The following ROBO1 variants were observed in gnomAD, a reference collection of about 807,000 sequenced individuals.
ROBO1 encodes the protein roundabout homolog 1.
ROBO1 carries 149 observed loss-of-function variants against 195.9 expected under a neutral mutation model. The ratio of observed to expected loss-of-function variants is 0.76; its 90% CI spans 0.67 to 0.87. ROBO1 has a LOEUF of 0.87. Among genes scored for constraint, ROBO1 ranks in the 40% least tolerant of loss-of-function variants. The pLI is 0.00. For synonymous variants in ROBO1, 816 were observed against 733.2 expected, an observed-to-expected ratio of 1.11 and a Z score of -1.82; for missense variants, 1,933 against 2,068.3, an observed-to-expected ratio of 0.93 and a Z score of 1.27.
At chr3:78,692,550 T>C (rs1204438841) in intron 8 of ROBO1, among the ~76,000 whole-genome samples, 4 of 152,058 alleles carry the variant, frequency 2.6e-5, no homozygotes, top group African/African-American at 7.2e-5. Context: ...GGATTACAGG[T>C]GTGAGCCGCC....
At chr3:78,802,593 A>T (rs1034388643) in intron 4 of ROBO1, among the ~76,000 whole-genome samples, 1 of 152,124 alleles carries the variant, frequency 6.6e-6, no homozygotes, top group Non-Finnish European at 1.5e-5. Flanking sequence ...TCTGAGATAT[A>T]CCTGAATTCT....
chr3:79,134,265 C>T (rs1217578219), intron 2 of ROBO1, among the ~76,000 whole-genome samples: 2 of 133,214 alleles, frequency 1.5e-5, no homozygotes, highest in African/African-American at 2.9e-5. Context: ...GACATTTATG[C>T]AGCCAAAAAA....
chr3:78,791,316 T>C, intron 4 of ROBO1, among the ~76,000 whole-genome samples: 1 of 152,138 alleles, frequency 6.6e-6, no homozygotes, highest in South Asian at 2.1e-4. Flanking sequence ...AAATAGGAAT[T>C]CATGCCAATT....
intron 2 of ROBO1, among the ~76,000 whole-genome samples, chr3:79,445,972 CTT>C (rs2039241484): frequency 1.3e-5 from 2 of 151,646 alleles, no homozygotes; most frequent in Non-Finnish European, 2.9e-5. Flanking sequence ...AATGTTTAAA[CTT>C]TTTCATAGAC....
intron 4 of ROBO1, among the ~76,000 whole-genome samples, chr3:78,809,177 C>T (rs1337983948): frequency 1.3e-5 from 2 of 151,398 alleles, no homozygotes; most frequent in Admixed American, 6.6e-5. Context: ...AAAAAGTGGG[C>T]AAAGGATATA....
At chr3:79,096,060 G>A (rs1275145195) in intron 3 of ROBO1, among the ~76,000 whole-genome samples, 2 of 151,856 alleles carry the variant, frequency 1.3e-5, no homozygotes, top group African/African-American at 4.8e-5. Context: ...TACACACTTG[G>A]ATAATGCATC....
chr3:79,024,343 G>A lies in ROBO1; in HGVS notation c.173-85416C>T, dbSNP rs2078162320. Reference sequence around the variant, plus strand: ...AGGGGGTGAGCTTTTGAAGATAAAGGAGAGGATATAGAAAAGTGGCACTAA... The same window carrying A: ...AGGGGGTGAGCTTTTGAAGATAAAGAAGAGGATATAGAAAAGTGGCACTAA... On this transcript the variant is annotated intron_variant, in intron 3 of 30. Transcript: ENST00000464233. Among the ~76,000 whole-genome samples, 6 of 152,256 alleles carry A rather than the reference G, an allele frequency of 3.9e-5. 1 individual carries two copies. The South Asian group carries it at 1.2e-3, about 32-fold the overall frequency.
chr3:78,717,831 T>C lies in ROBO1; in HGVS notation c.710A>G (p.Lys237Arg). Residue 237 changes from lysine to arginine, a missense_variant, in exon 6 of 31, where the codon AAA (lysine) becomes AGA (arginine). Coordinates refer to ENST00000464233, the MANE Select transcript of ROBO1 (RefSeq NM_002941.4). The part of the protein sequence containing the change: ...ITYTRKSDAG[K>R]YVCVGTNMVG... ...CATATTGGTACCAACACAAACATAT[T>C]TGCCAGCGTCACTTTTACGGGTGTA... The C allele has an allele frequency of 6.2e-7, 1 of 1,613,770 alleles. No individual in the cohort carries two copies. Among genetic ancestry groups the C allele is most frequent in the Non-Finnish European group, 8.5e-7 (1 of 1,179,748 alleles).
intron 2 of ROBO1, among the ~76,000 whole-genome samples, chr3:79,500,286 C>A (rs1433592210): frequency 6.6e-6 from 1 of 152,000 alleles, no homozygotes; most frequent in Admixed American, 6.6e-5. Flanking sequence ...TGCGCCACCA[C>A]GCCAGGCTAC....
intron 3 of ROBO1, among the ~76,000 whole-genome samples, chr3:79,009,406 A>G (rs570544133): frequency 7.9e-5 from 12 of 152,078 alleles, no homozygotes; most frequent in Non-Finnish European, 1.8e-4. Context: ...AAACTCCCAA[A>G]CCTATGGAAA....
At chr3:79,508,100 G>C (rs1940503266) in intron 2 of ROBO1, 1 of 151,860 alleles carries the variant, frequency 6.6e-6, no homozygotes, top group Admixed American at 6.6e-5. Context: ...ACTGGGGCCT[G>C]TTGGGGGGTG....
chr3:78,937,724 C>A (rs28722753), intron 4 of ROBO1, among the ~76,000 whole-genome samples: 9,294 of 152,020 alleles, frequency 0.061, 807 homozygotes, highest in African/African-American at 0.2. Context: ...ATAAACTGAA[C>A]CATAAAACTA....
chr3:79,410,489 G>A (rs937737744), intron 2 of ROBO1, among the ~76,000 whole-genome samples: 1 of 151,940 alleles, frequency 6.6e-6, no homozygotes, highest in African/African-American at 2.4e-5. Flanking sequence ...GGGAAAATAC[G>A]GTCAGTAAGA....
chr3:78,602,488 T>C (rs9816191), intron 29 of ROBO1, among the ~76,000 whole-genome samples: 49,716 of 152,022 alleles, frequency 0.33, 10,007 homozygotes, highest in Non-Finnish European at 0.44. Flanking sequence ...TTTTTCTTTA[T>C]AGAAATGCAA....
chr3:79,619,008 G>A (rs1250386193), intron 1 of ROBO1, among the ~76,000 whole-genome samples: 2 of 152,240 alleles, frequency 1.3e-5, no homozygotes, highest in South Asian at 2.1e-4. Context: ...GCGGACACCT[G>A]CCTTGATCAT....
chr3:78,912,648 T>C (rs1576387819), intron 4 of ROBO1, among the ~76,000 whole-genome samples: 1 of 152,288 alleles, frequency 6.6e-6, no homozygotes, highest in South Asian at 2.1e-4. Flanking sequence ...TTTGTGATAA[T>C]ATCATCAATT....
At chr3:78,810,339 G>C (rs1004392761) in intron 4 of ROBO1, among the ~76,000 whole-genome samples, 8 of 152,138 alleles carry the variant, frequency 5.3e-5, no homozygotes, top group Non-Finnish European at 1.2e-4. Context: ...GGGAGAAAGA[G>C]AAAGGAAGCT....
chr3:79,719,313 G>T (rs1196450301), intron 1 of ROBO1, among the ~76,000 whole-genome samples: 1 of 151,962 alleles, frequency 6.6e-6, no homozygotes, highest in Non-Finnish European at 1.5e-5. Flanking sequence ...GAACTGTCTA[G>T]TTTCCATTAA....
intron 2 of ROBO1, among the ~76,000 whole-genome samples, chr3:79,264,912 A>C (rs529781249): frequency 3.4e-4 from 51 of 152,062 alleles, no homozygotes; most frequent in Middle Eastern, 3.4e-3. Flanking sequence ...TGTCTCTGCC[A>C]GAAACTTTTA....
Sources: gnomAD v4.1 joint callset for allele counts (sites outside exome capture counted in the v4.1 genomes callset) on GRCh38, gnomAD v4.1.1 for gene constraint, MANE v1.5 for transcripts, NCBI Gene and HGNC (gene_info 2026-07-23, HGNC 2026-07-21) for gene names.